Variants in AGBL1 observed in about 807,000 individuals in gnomAD.
AGBL1 encodes the protein AGBL carboxypeptidase 1.
A neutral mutation model predicts 118.9 loss-of-function variants in AGBL1; 130 were observed. The ratio of observed to expected loss-of-function variants is 1.09; its 90% CI spans 0.95 to 1.26. AGBL1 has a LOEUF of 1.26. AGBL1 is among the 50% of genes most tolerant of loss of function. AGBL1 has a pLI of 0.00. For synonymous variants in AGBL1, 555 were observed against 478.9 expected (o/e 1.16, Z -2.08); for missense variants, 1,584 against 1,298.1 (o/e 1.22, Z -3.38).
intron 17 of AGBL1, among the ~76,000 whole-genome samples, chr15:86,344,327 G>A (rs189035024): frequency 8.5e-5 from 13 of 152,308 alleles, no homozygotes; most frequent in African/African-American, 2.6e-4. Context: ...GGTGAGTATT[G>A]AAGTTCTGCC....
At chr15:86,285,895 C>A (rs1401305998) in intron 16 of AGBL1, among the ~76,000 whole-genome samples, 4 of 152,148 alleles carry the variant, frequency 2.6e-5, no homozygotes, top group Non-Finnish European at 4.4e-5. Context: ...TACTTTTTGA[C>A]TTTTTGTCTC....
At position 86,236,952 on chromosome 15, in the gene AGBL1, C is replaced by CGG. The variant is rs1398987301; in HGVS notation, c.527-10713_527-10712dup. Among the ~76,000 whole-genome samples, 55 of 10,298 alleles carry CGG rather than the reference C, an allele frequency of 5.3e-3. 2 individuals carry two copies. Among genetic ancestry groups the CGG allele is most frequent in the African/African-American group, 0.024 (49 of 2,062 alleles). The allele number at this position is 10,298 out of a possible 152,430, so 6.8% of individuals were successfully genotyped here. A position where few individuals can be genotyped will look rare whatever the true frequency, so the allele number is the denominator to read the frequency against. The stretch of plus-strand genomic sequence containing the variant: ...GTGGGCGGGGGGGGGCGGGGGGGGG[C>CGG]GGGGGGGCGCCAAGTTGCCAGGCAC... On this transcript the variant is annotated intron_variant, in intron 6 of 22. Transcript: ENST00000614907.
chr15:86,441,286 T>A lies in AGBL1; in HGVS notation c.2555+43740T>A, dbSNP rs1054530650. On this transcript the variant is annotated intron_variant, in intron 18 of 22. Coordinates refer to ENST00000614907, the MANE Select transcript of AGBL1 (RefSeq NM_001386094.1). Reference sequence around the variant, plus strand: ...ACCCTTTAAACTAGTGAAGTCCGAATCTTACTTTTTTTAAAAAAAATATTG... The same window carrying A: ...ACCCTTTAAACTAGTGAAGTCCGAAACTTACTTTTTTTAAAAAAAATATTG... Among the ~76,000 whole-genome samples, 31 of 152,316 alleles carry A rather than the reference T, an allele frequency of 2.0e-4. No homozygotes were observed. In the East Asian group the frequency reaches 5.8e-3, roughly 28 times the overall value.
intron 6 of AGBL1, among the ~76,000 whole-genome samples, chr15:86,241,360 T>G (rs1567149177): frequency 6.6e-6 from 1 of 152,258 alleles, no homozygotes; most frequent in Non-Finnish European, 1.5e-5. Context: ...TCAGTTCTTA[T>G]AATGGACTTG....
chr15:86,125,067 C>T lies in AGBL1; in HGVS notation c.52-16937C>T, dbSNP rs1056858675. On this transcript the variant is annotated intron_variant, in intron 1 of 22. Transcript: ENST00000614907. ...TGCTTGTGCTTGTCTAGCCAACCCA[C>T]ATCCACTTTGTGAGAGTAAAGAACT... Among the ~76,000 whole-genome samples, 10 of 152,330 alleles carry T rather than the reference C, an allele frequency of 6.6e-5. 1 individual carries two copies. Among genetic ancestry groups the T allele is most frequent in the African/African-American group, 2.4e-4 (10 of 41,580 alleles).
chr15:86,549,779 T>C (rs1340216968), intron 20 of AGBL1, among the ~76,000 whole-genome samples: 2 of 150,424 alleles, frequency 1.3e-5, no homozygotes, highest in Non-Finnish European at 2.9e-5. Flanking sequence ...TGACCATTAC[T>C]CAATATATAT....
chr15:86,275,288 G>A (rs1218235576), intron 15 of AGBL1, among the ~76,000 whole-genome samples: 1 of 152,166 alleles, frequency 6.6e-6, no homozygotes, highest in African/African-American at 2.4e-5. Context: ...CACTCATGAA[G>A]ATGAATGTCA....
chr15:86,562,834 C>T (rs2083847437), intron 21 of AGBL1, among the ~76,000 whole-genome samples: 1 of 150,066 alleles, frequency 6.7e-6, no homozygotes, highest in Admixed American at 6.7e-5. Flanking sequence ...TGTTATTGGT[C>T]TATTCAGGGA....
intron 17 of AGBL1, among the ~76,000 whole-genome samples, chr15:86,349,711 A>G (rs1224536408): frequency 6.6e-6 from 1 of 152,216 alleles, no homozygotes; most frequent in Non-Finnish European, 1.5e-5. Context: ...TTGAGGTTGT[A>G]CTTTTCCAAG....
intron 6 of AGBL1, among the ~76,000 whole-genome samples, chr15:86,243,859 A>C (rs2078675978): frequency 6.6e-6 from 1 of 151,852 alleles, no homozygotes; most frequent in Admixed American, 6.6e-5. Context: ...AAATACAAAA[A>C]AATTAGCAAA....
intron 22 of AGBL1, among the ~76,000 whole-genome samples, chr15:86,794,351 A>G (rs1373693340): frequency 6.6e-6 from 1 of 152,228 alleles, no homozygotes; most frequent in Non-Finnish European, 1.5e-5. Context: ...CCAATCACAG[A>G]AGGCCACAGA....
At position 86,515,793 on chromosome 15, in the gene AGBL1, A is replaced by G. The variant is rs141812296; in HGVS notation, c.2556-7017A>G. Among the ~76,000 whole-genome samples the G allele has an allele frequency of 2.7e-3, 416 of 152,354 alleles. 3 individuals carry two copies. The highest frequency in any genetic ancestry group is 9.6e-3 in the African/African-American group (401 of 41,588). On this transcript the variant is annotated intron_variant, in intron 18 of 22. Coordinates refer to ENST00000614907, the MANE Select transcript of AGBL1 (RefSeq NM_001386094.1). ...TTGTTGGTCTTGTGAACACAAAAGT[A>G]TCTGAGACAGATCTCAATCAATTTA...
At chr15:86,567,848 A>G (rs1156471497) in intron 21 of AGBL1, among the ~76,000 whole-genome samples, 3 of 152,020 alleles carry the variant, frequency 2.0e-5, no homozygotes, top group Admixed American at 2.0e-4. Flanking sequence ...CCAGGAATCT[A>G]CCTTTTTTTC....
At chr15:86,339,742 G>A (rs946532670) in intron 17 of AGBL1, among the ~76,000 whole-genome samples, 6 of 152,154 alleles carry the variant, frequency 3.9e-5, no homozygotes, top group Admixed American at 1.3e-4. Context: ...GCCGAGGTGG[G>A]CGGATCACAA....
At chr15:86,620,938 C>T (rs1373074963) in intron 21 of AGBL1, among the ~76,000 whole-genome samples, 2 of 152,094 alleles carry the variant, frequency 1.3e-5, no homozygotes, top group African/African-American at 4.8e-5. Context: ...AGGGGCTGCT[C>T]TTTCCCTCCA....
At chr15:86,742,025 A>G (rs1041552543) in intron 22 of AGBL1, among the ~76,000 whole-genome samples, 3 of 151,764 alleles carry the variant, frequency 2.0e-5, no homozygotes, top group Non-Finnish European at 4.4e-5. Flanking sequence ...ATGCCACGCT[A>G]AAGATGATGA....
At chr15:86,671,482 T>A (rs994205219) in intron 21 of AGBL1, among the ~76,000 whole-genome samples, 5 of 152,194 alleles carry the variant, frequency 3.3e-5, no homozygotes, top group Admixed American at 2.6e-4. Context: ...GGGAATTGGA[T>A]CTTCATTTTA....
At chr15:86,573,999 C>T (rs1359219238) in intron 21 of AGBL1, among the ~76,000 whole-genome samples, 1 of 152,012 alleles carries the variant, frequency 6.6e-6, no homozygotes, top group Non-Finnish European at 1.5e-5. Flanking sequence ...ACTTTATTTT[C>T]TCAGATAAGC....
At chr15:86,609,838 T>A (rs2084633230) in intron 21 of AGBL1, among the ~76,000 whole-genome samples, 2 of 152,140 alleles carry the variant, frequency 1.3e-5, no homozygotes. Context: ...TCATCCAGAT[T>A]TCCCTCGACT....
Sources: gnomAD v4.1 joint callset for allele counts (sites outside exome capture counted in the v4.1 genomes callset) on GRCh38, gnomAD v4.1.1 for gene constraint, MANE v1.5 for transcripts, NCBI Gene and HGNC (gene_info 2026-07-23, HGNC 2026-07-21) for gene names.